GRID2: variants seen among roughly 807,000 people sequenced by gnomAD.
The protein encoded by GRID2 is glutamate receptor ionotropic, delta-2.
Under a neutral mutation model 114.8 loss-of-function variants are expected in GRID2, and 33 were observed. The ratio of observed to expected loss-of-function variants is 0.29; its 90% CI spans 0.22 to 0.38. GRID2 has a LOEUF of 0.38. GRID2 is among the 10% of genes least tolerant of loss of function. GRID2 has a pLI of 1.00. For missense variants in GRID2, 1,184 were observed against 1,257.7 expected (o/e 0.94, Z 0.89); for synonymous variants, 505 against 449.9 (o/e 1.12, Z -1.55).
intron 14 of GRID2, among the ~76,000 whole-genome samples, chr4:93,734,297 G>C (rs1011543376): frequency 6.6e-5 from 10 of 151,790 alleles, no homozygotes; most frequent in Admixed American, 6.6e-4. Flanking sequence ...CTTTTCCTTA[G>C]AATAAGTAGT....
chr4:93,748,392 T>C (rs1264874565), intron 14 of GRID2, among the ~76,000 whole-genome samples: 1 of 152,154 alleles, frequency 6.6e-6, no homozygotes, highest in Non-Finnish European at 1.5e-5. Context: ...ATCAATAGAA[T>C]GTTTTTCATT....
intron 1 of GRID2, among the ~76,000 whole-genome samples, chr4:92,480,849 T>C (rs1219250188): frequency 6.6e-6 from 1 of 152,172 alleles, no homozygotes; most frequent in South Asian, 2.1e-4. Flanking sequence ...AAAATCCCTA[T>C]TTCATCTGCT....
At chr4:93,365,613 A>G (rs1410274385) in intron 8 of GRID2, among the ~76,000 whole-genome samples, 1 of 152,142 alleles carries the variant, frequency 6.6e-6, no homozygotes, top group Non-Finnish European at 1.5e-5. Flanking sequence ...TAGTCTCTGG[A>G]TATTTGTGAA....
At chr4:93,299,232 G>A (rs1326656119) in intron 8 of GRID2, among the ~76,000 whole-genome samples, 4 of 152,074 alleles carry the variant, frequency 2.6e-5, no homozygotes, top group Non-Finnish European at 4.4e-5. Flanking sequence ...ATGCATTCAG[G>A]TAGTTCAGGC....
intron 4 of GRID2, among the ~76,000 whole-genome samples, chr4:93,176,101 G>A (rs549932937): frequency 7.2e-5 from 11 of 152,294 alleles, no homozygotes; most frequent in Admixed American, 2.6e-4. Context: ...ATAAGCAAAT[G>A]GGTATTTTAG....
At chr4:92,684,753 G>T (rs753619678) in intron 2 of GRID2, among the ~76,000 whole-genome samples, 1 of 152,060 alleles carries the variant, frequency 6.6e-6, no homozygotes, top group Non-Finnish European at 1.5e-5. Context: ...AGCAGGTGAC[G>T]TATATAATGA....
intron 1 of GRID2, among the ~76,000 whole-genome samples, chr4:92,551,945 T>G (rs1032391281): frequency 3.3e-5 from 5 of 151,902 alleles, no homozygotes; most frequent in African/African-American, 1.2e-4. Context: ...CTGAGGAAAG[T>G]CAGTTATGAT....
At chr4:92,716,447 T>A (rs139715718) in intron 2 of GRID2, among the ~76,000 whole-genome samples, 3 of 152,316 alleles carry the variant, frequency 2.0e-5, no homozygotes, top group East Asian at 3.9e-4. Context: ...ATGTTGTAAT[T>A]ATGAATTAAG....
At chr4:92,475,638 T>C (rs938835003) in intron 1 of GRID2, among the ~76,000 whole-genome samples, 4 of 152,066 alleles carry the variant, frequency 2.6e-5, no homozygotes, top group African/African-American at 7.2e-5. Flanking sequence ...TTGTCTAAGA[T>C]TGCTTTGGCT....
intron 14 of GRID2, among the ~76,000 whole-genome samples, chr4:93,681,049 A>C (rs1725478883): frequency 6.6e-6 from 1 of 151,476 alleles, no homozygotes; most frequent in African/African-American, 2.4e-5. Flanking sequence ...TCAGCCCAAA[A>C]TCTCCTTAAG....
intron 1 of GRID2, among the ~76,000 whole-genome samples, chr4:93,791,599 T>C (rs1734696077): frequency 6.6e-6 from 1 of 152,202 alleles, no homozygotes; most frequent in South Asian, 2.1e-4. Context: ...GTTTTTCAAA[T>C]TAAAATAGAA....
intron 2 of GRID2, among the ~76,000 whole-genome samples, chr4:92,924,202 C>A (rs10028302): frequency 1.3e-5 from 2 of 152,082 alleles, no homozygotes; most frequent in Non-Finnish European, 2.9e-5. Context: ...TGAACAATGA[C>A]AACACATGGA....
chr4:93,339,410 G>A (rs1208394212), intron 8 of GRID2, among the ~76,000 whole-genome samples: 1 of 152,140 alleles, frequency 6.6e-6, no homozygotes, highest in East Asian at 1.9e-4. Context: ...TTGTGATGAA[G>A]AAGGTAGGGA....
chr4:93,615,250 A>G (rs1396410848), intron 13 of GRID2, among the ~76,000 whole-genome samples: 3 of 152,322 alleles, frequency 2.0e-5, no homozygotes, highest in South Asian at 4.1e-4. Flanking sequence ...GCTTTTGTCA[A>G]TCGTCTTTGC....
chr4:92,662,173 C>A (rs1732552904), intron 2 of GRID2, among the ~76,000 whole-genome samples: 1 of 150,846 alleles, frequency 6.6e-6, no homozygotes, highest in Non-Finnish European at 1.5e-5. Flanking sequence ...CAATAGATAG[C>A]CAAATCAGAC....
chr4:93,703,437 A>G (rs1394095543), intron 14 of GRID2, among the ~76,000 whole-genome samples: 1 of 152,164 alleles, frequency 6.6e-6, no homozygotes, highest in Admixed American at 6.6e-5. Context: ...TTTTTAATGT[A>G]TAATAAGTTA....
chr4:93,685,365 C>A (rs2110102647), intron 14 of GRID2, among the ~76,000 whole-genome samples: 1 of 152,162 alleles, frequency 6.6e-6, no homozygotes, highest in Non-Finnish European at 1.5e-5. Flanking sequence ...CCTTCTAGCT[C>A]AGACGTCACA....
chr4:92,441,661 G>C (rs148619248), intron 1 of GRID2, among the ~76,000 whole-genome samples: 1 of 152,056 alleles, frequency 6.6e-6, no homozygotes, highest in Non-Finnish European at 1.5e-5. Flanking sequence ...TGTAGCAGGC[G>C]AGTGATAACA....
At chr4:92,674,676 C>T (rs1001500175) in intron 2 of GRID2, among the ~76,000 whole-genome samples, 1 of 152,176 alleles carries the variant, frequency 6.6e-6, no homozygotes, top group Non-Finnish European at 1.5e-5. Flanking sequence ...CACCTACCAC[C>T]ATGCCCAGCT....
Sources: gnomAD v4.1 joint callset for allele counts (sites outside exome capture counted in the v4.1 genomes callset) on GRCh38, gnomAD v4.1.1 for gene constraint, MANE v1.5 for transcripts, NCBI Gene and HGNC (gene_info 2026-07-23, HGNC 2026-07-21) for gene names.